SLC7A1: variants seen among roughly 807,000 people sequenced by gnomAD.
SLC7A1 encodes the protein high affinity cationic amino acid transporter 1.
In SLC7A1, 10 loss-of-function variants were observed where a neutral mutation model predicts 53.9. That is an observed-to-expected ratio of 0.19 (90% confidence interval 0.11 to 0.31). The LOEUF is 0.31. SLC7A1 is among the 10% of genes least tolerant of loss of function. SLC7A1 has a pLI of 1.00. For synonymous variants in SLC7A1, 342 were observed against 338.7 expected (o/e 1.01, Z -0.11); for missense variants, 525 against 827.2 (o/e 0.63, Z 4.48).
chr13:29,535,364 A>G (rs1483833077), intron 3 of SLC7A1, among the ~76,000 whole-genome samples: 3 of 152,252 alleles, frequency 2.0e-5, no homozygotes, highest in Non-Finnish European at 2.9e-5. Context: ...ACACTGTAGA[A>G]AAATACACAT....
intron 12 of SLC7A1, 103 bp from the exon 13 acceptor site, chr13:29,514,686 G>T (rs1260390759): frequency 1.3e-6 from 1 of 779,862 alleles, no homozygotes; most frequent in East Asian, 2.7e-5. Flanking sequence ...CTCTCAGGCG[G>T]CCTGCCCCTG....
intron 1 of SLC7A1, among the ~76,000 whole-genome samples, chr13:29,560,939 A>G (rs1347272177): frequency 6.6e-6 from 1 of 152,230 alleles, no homozygotes; most frequent in Non-Finnish European, 1.5e-5. Flanking sequence ...AAGTACACTT[A>G]TAAGAACCAC....
intron 12 of SLC7A1, among the ~76,000 whole-genome samples, chr13:29,514,946 G>C (rs1055249847): frequency 6.6e-6 from 1 of 152,190 alleles, no homozygotes; most frequent in African/African-American, 2.4e-5. Context: ...TATGGAGATG[G>C]GGTTTCCCGC....
At chr13:29,567,668 C>T (rs547700039) in intron 1 of SLC7A1, among the ~76,000 whole-genome samples, 14 of 152,290 alleles carry the variant, frequency 9.2e-5, no homozygotes, top group African/African-American at 2.6e-4. Context: ...GCGGGCATCC[C>T]TCCCACGGAT....
At chr13:29,552,123 A>C (rs374756179) in intron 2 of SLC7A1, among the ~76,000 whole-genome samples, 2 of 152,074 alleles carry the variant, frequency 1.3e-5, no homozygotes, top group Non-Finnish European at 2.9e-5. Flanking sequence ...GTATGTGTGC[A>C]TTCCTAATAT....
chr13:29,551,292 C>T (rs1410437386), intron 2 of SLC7A1, among the ~76,000 whole-genome samples: 1 of 152,124 alleles, frequency 6.6e-6, no homozygotes, highest in Non-Finnish European at 1.5e-5. Flanking sequence ...TGAGGAAGAG[C>T]AGGGAACAGA....
At chr13:29,554,156 C>A (rs1017699539) in intron 1 of SLC7A1, among the ~76,000 whole-genome samples, 1 of 152,130 alleles carries the variant, frequency 6.6e-6, no homozygotes, top group Admixed American at 6.5e-5. Flanking sequence ...AGCGTCACAC[C>A]GGCAATTTCC....
At chr13:29,531,490 G>A (rs947482979) in intron 4 of SLC7A1, among the ~76,000 whole-genome samples, 6 of 152,114 alleles carry the variant, frequency 3.9e-5, no homozygotes, top group South Asian at 2.1e-4. Flanking sequence ...GGTACCACTC[G>A]AACACAGCCA....
intron 2 of SLC7A1, among the ~76,000 whole-genome samples, chr13:29,547,448 G>A (rs1449198721): frequency 1.3e-5 from 2 of 152,156 alleles, no homozygotes. Context: ...GGAAGTGGCA[G>A]ATAAAGCAGA....
intron 1 of SLC7A1, among the ~76,000 whole-genome samples, chr13:29,556,067 A>G (rs1870425849): frequency 6.6e-6 from 1 of 152,162 alleles, no homozygotes; most frequent in Non-Finnish European, 1.5e-5. Flanking sequence ...CAATTACCTG[A>G]AAAGGCCACT....
At chr13:29,538,543 G>C (rs71434731) in intron 2 of SLC7A1, among the ~76,000 whole-genome samples, 1 of 152,108 alleles carries the variant, frequency 6.6e-6, no homozygotes, top group Non-Finnish European at 1.5e-5. Flanking sequence ...GAGAGCCTCC[G>C]AGTGGCACTA....
At chr13:29,552,393 A>T (rs1239382878) in intron 2 of SLC7A1, among the ~76,000 whole-genome samples, 1 of 152,216 alleles carries the variant, frequency 6.6e-6, no homozygotes, top group African/African-American at 2.4e-5. Context: ...CAATTAGTTT[A>T]AAGTATTTTA....
intron 1 of SLC7A1, among the ~76,000 whole-genome samples, chr13:29,588,644 T>G (rs535573277): frequency 1.3e-4 from 20 of 151,972 alleles, no homozygotes; most frequent in African/African-American, 3.9e-4. Flanking sequence ...GCTGCAACTA[T>G]AGGCATGCGC....
intron 2 of SLC7A1, among the ~76,000 whole-genome samples, chr13:29,543,392 A>G (rs1869754902): frequency 6.6e-6 from 1 of 152,240 alleles, no homozygotes; most frequent in African/African-American, 2.4e-5. Context: ...AGGGGGCCCA[A>G]GGGCCAGGGT....
rs1868770310 is a variant in SLC7A1, at chr13:29,524,128, A to T, written c.826+4T>A. On this transcript the variant is annotated splice_donor_region_variant and intron_variant, in intron 6 of 12. Coordinates refer to ENST00000380752, the MANE Select transcript of SLC7A1 (RefSeq NM_003045.5). Reference sequence around the variant, plus strand: ...CCCGGGACCGCAGTGGCTGGCGGACATACCTGTGGTGGCGATGCAGTCAAA... The same window carrying T: ...CCCGGGACCGCAGTGGCTGGCGGACTTACCTGTGGTGGCGATGCAGTCAAA... 1 of 1,611,836 alleles carries T rather than the reference A, an allele frequency of 6.2e-7. No individual in the cohort carries two copies.
chr13:29,527,590 A>G (rs1183051432), intron 5 of SLC7A1, among the ~76,000 whole-genome samples: 3 of 152,212 alleles, frequency 2.0e-5, no homozygotes, highest in African/African-American at 7.2e-5. Flanking sequence ...GCCCTCACCC[A>G]GCAAATGTCG....
At chr13:29,585,327 G>C (rs879631895) in intron 1 of SLC7A1, among the ~76,000 whole-genome samples, 6 of 152,194 alleles carry the variant, frequency 3.9e-5, no homozygotes, top group Non-Finnish European at 7.3e-5. Flanking sequence ...TTGCAGGTGA[G>C]GTGTGGCTCA....
rs1044551324 is a variant in SLC7A1 at position 29,512,580 on chromosome 13, A to G, written c.*1900T>C. ...AATAACGGAAAAAAAAATCAAGCAA[A>G]TAACTACCAGGTCCTAAGACAAGAG... On this transcript the variant is annotated 3_prime_UTR_variant, in exon 13 of 13. Coordinates refer to ENST00000380752, the MANE Select transcript of SLC7A1 (RefSeq NM_003045.5). 5 of 152,350 alleles carry G rather than the reference A, an allele frequency of 3.3e-5. No individual in the cohort carries two copies. The South Asian group carries it at 8.3e-4, about 25-fold the overall frequency. 9.4% of individuals were successfully genotyped at this position (152,350 alleles called of 1,614,324 possible).
intron 1 of SLC7A1, among the ~76,000 whole-genome samples, chr13:29,581,989 A>G (rs1053819955): frequency 6.6e-6 from 1 of 152,204 alleles, no homozygotes; most frequent in African/African-American, 2.4e-5. Flanking sequence ...TTTACACACC[A>G]ATCCTAATTG....
Sources: allele counts gnomAD v4.1 joint callset (sites outside exome capture counted in the v4.1 genomes callset), GRCh38; gene constraint gnomAD v4.1.1; transcripts MANE v1.5; gene names NCBI Gene and HGNC (gene_info 2026-07-23, HGNC 2026-07-21).